The following OPRM1 variants were observed in gnomAD, a reference collection of about 807,000 sequenced individuals.
The protein encoded by OPRM1 is opioid receptor mu 1, also known as mu-type opioid receptor.
In OPRM1, 27 loss-of-function variants were observed where a neutral mutation model predicts 31.8. The observed-to-expected ratio is 0.85, with a 90% CI of 0.63 to 1.17. OPRM1 has a LOEUF of 1.17. Ranked by LOEUF, OPRM1 falls within the 50% of genes most tolerant of loss-of-function variation. OPRM1 has a pLI of 0.00. For missense variants in OPRM1, 536 were observed against 511.1 expected (o/e 1.05, Z -0.47); for synonymous variants, 196 against 189.9 (o/e 1.03, Z -0.26).
At chr6:154,106,372 A>G (rs1795574919) in intron 3 of OPRM1, among the ~76,000 whole-genome samples, 1 of 152,168 alleles carries the variant, frequency 6.6e-6, no homozygotes, top group African/African-American at 2.4e-5. Flanking sequence ...GGCCCAGAAC[A>G]CTCCAGGCAG....
intron 1 of OPRM1, among the ~76,000 whole-genome samples, chr6:154,029,666 C>T (rs1483606073): frequency 6.6e-6 from 1 of 152,178 alleles, no homozygotes; most frequent in African/African-American, 2.4e-5. Context: ...TGTGTCCTGA[C>T]CCAAATCTCA....
Position 154,122,821 on chromosome 6 carries a change from G to A in OPRM1, c.*4100G>A, listed in dbSNP as rs79547078. On this transcript the variant is annotated 3_prime_UTR_variant, in exon 4 of 4. Transcript: ENST00000330432. ...CAAACAATATTACTGTGTTCTAAGC[G>A]CTTCTGTTACTCGAAAGGGGTCTGA... 9.0e-3 allele frequency among the ~76,000 whole-genome samples: 1,372 copies of A among 152,228 alleles called. 23 individuals carry two copies. The highest frequency in any genetic ancestry group is 0.031 in the African/African-American group (1,297 of 41,530).
At chr6:154,093,295 G>T (rs2128490276) in intron 3 of OPRM1, 1 of 1,613,202 alleles carries the variant, frequency 6.2e-7, no homozygotes, top group East Asian at 2.2e-5. Flanking sequence ...TCCCTGTCTT[G>T]CTGGGCTCTA....
intron 1 of OPRM1, among the ~76,000 whole-genome samples, chr6:154,048,788 C>G (rs919984039): frequency 1.1e-4 from 17 of 152,234 alleles, no homozygotes; most frequent in African/African-American, 4.1e-4. Flanking sequence ...ACATACATGT[C>G]TATATATGCA....
chr6:154,152,342 AGAAAG>A (rs776783271), intron 3 of OPRM1, among the ~76,000 whole-genome samples: 1,885 of 18,706 alleles, frequency 0.1, 15 homozygotes, highest in Non-Finnish European at 0.12. Context: ...AAAGAAAGAA[AGAAAG>A]GAAAGAAAGA....
chr6:154,108,012 A>T, intron 3 of OPRM1: 1 of 654,900 alleles, frequency 1.5e-6, no homozygotes, highest in Non-Finnish European at 2.8e-6. Flanking sequence ...AACCGTTTGC[A>T]CAGAGAGAAA....
rs2128548228 is a variant in OPRM1, at chr6:154,162,012, GTTGA to G, written c.1164+70541_1164+70544del. Among the ~76,000 whole-genome samples the G allele has an allele frequency of 2.0e-5, 3 of 152,264 alleles. No homozygotes were observed. The South Asian group carries it at 6.2e-4, about 32-fold the overall frequency. ...CAGCTGATGGCCTTGCTATCTCTTTGTTGAGGAAATGGAAGCCATCAGAAGAGCA... is the reference window on the plus strand; with the variant it reads ...CAGCTGATGGCCTTGCTATCTCTTTGGGAAATGGAAGCCATCAGAAGAGCA... On this transcript the variant is annotated intron_variant, in intron 3 of 3. Transcript: ENST00000337049.
At chr6:154,226,051 T>A (rs572158627) in intron 3 of OPRM1, among the ~76,000 whole-genome samples, 1 of 152,350 alleles carries the variant, frequency 6.6e-6, no homozygotes, top group African/African-American at 2.4e-5. Context: ...TTCCTCTAAC[T>A]ATGCCTTCTT....
At chr6:154,049,479 C>T (rs1781793496) in intron 1 of OPRM1, among the ~76,000 whole-genome samples, 1 of 152,170 alleles carries the variant, frequency 6.6e-6, no homozygotes, top group Non-Finnish European at 1.5e-5. Flanking sequence ...CCTCAAATGA[C>T]TGCAAAAGCC....
At chr6:154,171,459 T>C (rs1443018465) in intron 3 of OPRM1, among the ~76,000 whole-genome samples, 1 of 151,346 alleles carries the variant, frequency 6.6e-6, no homozygotes, top group Non-Finnish European at 1.5e-5. Flanking sequence ...TTGCCTGGGG[T>C]CTGGGAGGGG....
intron 3 of OPRM1, among the ~76,000 whole-genome samples, chr6:154,185,145 C>T (rs1801223987): frequency 6.6e-6 from 1 of 152,096 alleles, no homozygotes. Flanking sequence ...TCCCCTGAGC[C>T]TCTTACCATG....
At chr6:154,100,067 T>C (rs1794423130) in intron 3 of OPRM1, among the ~76,000 whole-genome samples, 1 of 134,802 alleles carries the variant, frequency 7.4e-6, no homozygotes, top group South Asian at 2.3e-4. Flanking sequence ...ATATATATCA[T>C]GATATATATC....
chr6:154,080,414 T>C (rs887623511), intron 1 of OPRM1, among the ~76,000 whole-genome samples: 2 of 152,230 alleles, frequency 1.3e-5, no homozygotes, highest in Non-Finnish European at 2.9e-5. Flanking sequence ...CAGACGAGAA[T>C]TGATAAAAAC....
intron 1 of OPRM1, among the ~76,000 whole-genome samples, chr6:154,022,840 G>A (rs578224020): frequency 1.3e-5 from 2 of 151,628 alleles, no homozygotes; most frequent in South Asian, 4.2e-4. Flanking sequence ...TGACACCTTT[G>A]TAAAAAACTG....
At chr6:154,138,123 G>A (rs893350094) in intron 3 of OPRM1, among the ~76,000 whole-genome samples, 1 of 152,088 alleles carries the variant, frequency 6.6e-6, no homozygotes, top group African/African-American at 2.4e-5. Flanking sequence ...CTGACCAGGT[G>A]TAACTCCTTA....
intron 3 of OPRM1, among the ~76,000 whole-genome samples, chr6:154,236,766 G>A (rs550391748): frequency 6.6e-6 from 1 of 152,160 alleles, no homozygotes; most frequent in South Asian, 2.1e-4. Context: ...AGAGATGGTG[G>A]GTGGTTTGCC....
intron 3 of OPRM1, among the ~76,000 whole-genome samples, chr6:154,116,510 G>A (rs559687152): frequency 1.3e-5 from 2 of 151,556 alleles, no homozygotes; most frequent in Admixed American, 6.6e-5. Flanking sequence ...GCTTGAATCT[G>A]GGAGGTGGAG....
chr6:154,242,493 C>A (rs1780675485), intron 3 of OPRM1, among the ~76,000 whole-genome samples: 1 of 152,100 alleles, frequency 6.6e-6, no homozygotes, highest in South Asian at 2.1e-4. Context: ...GAGTAAGTTG[C>A]TGAAGATATA....
intron 3 of OPRM1, among the ~76,000 whole-genome samples, chr6:154,198,175 C>CA (rs888486732): frequency 1.3e-5 from 2 of 151,754 alleles, no homozygotes; most frequent in African/African-American, 2.4e-5. Flanking sequence ...TTCACAACAT[C>CA]AAAAAAAAGT....
Sources: allele counts gnomAD v4.1 joint callset (sites outside exome capture counted in the v4.1 genomes callset), GRCh38; gene constraint gnomAD v4.1.1; transcripts MANE v1.5; gene names NCBI Gene and HGNC (gene_info 2026-07-23, HGNC 2026-07-21).